The following MYLK variants were observed in gnomAD, a reference collection of about 807,000 sequenced individuals.
MYLK encodes the protein myosin light chain kinase, smooth muscle.
In MYLK, 106 loss-of-function variants were observed where a neutral mutation model predicts 203.4. The observed-to-expected ratio is 0.52, with a 90% CI of 0.45 to 0.61. MYLK has a LOEUF of 0.61. Among genes scored for constraint, MYLK ranks in the 20% least tolerant of loss-of-function variants. MYLK has a pLI of 0.00. For synonymous variants in MYLK, 867 were observed against 959.5 expected (o/e 0.90, Z 1.78); for missense variants, 2,072 against 2,442.3 (o/e 0.85, Z 3.20).
At chr3:123,792,870 A>G (rs2064834816) in intron 4 of MYLK, among the ~76,000 whole-genome samples, 1 of 152,194 alleles carries the variant, frequency 6.6e-6, no homozygotes, top group South Asian at 2.1e-4. Context: ...AGTCTTGACT[A>G]CACAGGTCCA....
chr3:123,631,042 C>T (rs968873809), intron 29 of MYLK, among the ~76,000 whole-genome samples: 4 of 152,116 alleles, frequency 2.6e-5, no homozygotes, highest in African/African-American at 9.7e-5. Context: ...AACAAGTGGC[C>T]CCACCTTTCA....
At chr3:123,665,939 A>G (rs566305527) in intron 22 of MYLK, among the ~76,000 whole-genome samples, 12 of 152,332 alleles carry the variant, frequency 7.9e-5, no homozygotes, top group Non-Finnish European at 1.8e-4. Flanking sequence ...AGACTGTGCT[A>G]TCAAACCAGA....
At chr3:123,771,895 G>T (rs187154214) in intron 4 of MYLK, among the ~76,000 whole-genome samples, 2 of 152,190 alleles carry the variant, frequency 1.3e-5, no homozygotes, top group Non-Finnish European at 2.9e-5. Flanking sequence ...GGGGGTACTT[G>T]AAGTGTGGTT....
intron 2 of MYLK, among the ~76,000 whole-genome samples, chr3:123,852,756 G>T (rs985432197): frequency 3.3e-5 from 5 of 152,120 alleles, no homozygotes; most frequent in African/African-American, 9.7e-5. Flanking sequence ...ACAGAATTTC[G>T]AAAGTGTCAT....
intron 2 of MYLK, among the ~76,000 whole-genome samples, chr3:123,842,734 T>C (rs1355677249): frequency 6.6e-6 from 1 of 152,254 alleles, no homozygotes; most frequent in African/African-American, 2.4e-5. Flanking sequence ...TTCATAGACA[T>C]TGTGTCCATT....
At chr3:123,674,164 C>T (rs919829361) in intron 20 of MYLK, among the ~76,000 whole-genome samples, 1 of 152,110 alleles carries the variant, frequency 6.6e-6, no homozygotes, top group Non-Finnish European at 1.5e-5. Context: ...GACCTTTTCC[C>T]CAAACCTGCT....
At chr3:123,779,815 G>C (rs1254560680) in intron 4 of MYLK, among the ~76,000 whole-genome samples, 1 of 152,202 alleles carries the variant, frequency 6.6e-6, no homozygotes, top group Admixed American at 6.5e-5. Context: ...GGAGACATCA[G>C]GTCCAATGTG....
Position 123,657,404 on chromosome 3 carries a change from G to T in MYLK, c.4010C>A (p.Thr1337Lys), listed in dbSNP as rs199973473. The T allele has an allele frequency of 5.6e-6, 9 of 1,613,746 alleles. No homozygotes were observed. ...VVDKPDPPAG[T>K]PCASDIRSSS... ...GCTCCGAATGTCAGAGGCACAAGGT[G>T]TGCCAGCTGGGGGGTCTGGCTTATC... The change falls in exon 24 of 34, where the codon ACA (threonine) becomes AAA (lysine). Residue 1337 changes from threonine (T) to lysine (K), a missense_variant. Thr to Lys is a moderately conservative substitution (Grantham distance 78, BLOSUM62 -1). Coordinates refer to ENST00000360304, the MANE Select transcript of MYLK (RefSeq NM_053025.4).
At chr3:123,619,861 C>A (rs933234001) in intron 32 of MYLK, among the ~76,000 whole-genome samples, 1 of 151,996 alleles carries the variant, frequency 6.6e-6, no homozygotes, top group Non-Finnish European at 1.5e-5. Context: ...TTATTTTTGC[C>A]TATTAATATA....
intron 13 of MYLK, among the ~76,000 whole-genome samples, chr3:123,712,325 C>T (rs2061729614): frequency 6.6e-6 from 1 of 152,214 alleles, no homozygotes; most frequent in Non-Finnish European, 1.5e-5. Flanking sequence ...ACTGAGAAGG[C>T]TCAAGGACAA....
chr3:123,654,713 C>CTTTTTTTTTTTTTTTTT (rs1201129769), intron 24 of MYLK, among the ~76,000 whole-genome samples: 1 of 125,286 alleles, frequency 8.0e-6, no homozygotes, highest in African/African-American at 3.3e-5. Flanking sequence ...TTCTTTAATT[C>CTTTTTTTTTTTTTTTTT]TTTTTTTTTT....
chr3:123,852,689 A>ATTTTCAAAGAAAATC (rs1377055113), intron 2 of MYLK, among the ~76,000 whole-genome samples: 1 of 151,880 alleles, frequency 6.6e-6, no homozygotes. Context: ...AGCTCCTGAG[A>ATTTTCAAAGAAAATC]TTTTCAAAAA....
chr3:123,826,656 C>T (rs1435255591), intron 3 of MYLK, among the ~76,000 whole-genome samples: 2 of 152,216 alleles, frequency 1.3e-5, no homozygotes, highest in Non-Finnish European at 2.9e-5. Context: ...GGCTCCCAAA[C>T]CCAGCAAGCT....
At chr3:123,842,110 A>C (rs1374963030) in intron 2 of MYLK, among the ~76,000 whole-genome samples, 2 of 152,128 alleles carry the variant, frequency 1.3e-5, no homozygotes, top group African/African-American at 4.8e-5. Context: ...ATATCTATCT[A>C]TATCTGTAGC....
At chr3:123,692,929 G>T in intron 18 of MYLK, 78 bp from the exon 19 acceptor site, 3 of 1,271,834 alleles carry the variant, frequency 2.4e-6, no homozygotes, top group Non-Finnish European at 3.4e-6. Context: ...GCAGGTGAGT[G>T]TTACTCGCAC....
At chr3:123,713,469 G>A (rs1413672355) in intron 13 of MYLK, among the ~76,000 whole-genome samples, 2 of 151,988 alleles carry the variant, frequency 1.3e-5, no homozygotes, top group Non-Finnish European at 2.9e-5. Context: ...CGGTGCCCAT[G>A]GTGACCGCTC....
intron 11 of MYLK, 132 bp downstream of exon 11, chr3:123,732,764 G>T: frequency 1.2e-6 from 1 of 853,858 alleles, no homozygotes. Context: ...GCATGTGATT[G>T]GGGGTGACAT....
At chr3:123,678,654 A>AACAC (rs151133463) in intron 20 of MYLK, among the ~76,000 whole-genome samples, 111 of 150,346 alleles carry the variant, frequency 7.4e-4, no homozygotes, top group African/African-American at 2.7e-3. Flanking sequence ...CACACACACA[A>AACAC]ACACACACAC....
At chr3:123,804,689 T>C (rs2065309167) in intron 3 of MYLK, among the ~76,000 whole-genome samples, 1 of 152,202 alleles carries the variant, frequency 6.6e-6, no homozygotes, top group Non-Finnish European at 1.5e-5. Flanking sequence ...CCCTCAATTC[T>C]GAGGGCATGG....
Sources: allele counts gnomAD v4.1 joint callset (sites outside exome capture counted in the v4.1 genomes callset), GRCh38; gene constraint gnomAD v4.1.1; transcripts MANE v1.5; gene names NCBI Gene and HGNC (gene_info 2026-07-23, HGNC 2026-07-21).